LRP4: variants seen among roughly 807,000 people sequenced by gnomAD.
LRP4 encodes the protein low-density lipoprotein receptor-related protein 4.
LRP4 carries 95 observed loss-of-function variants against 220.3 expected under a neutral mutation model. That is an observed-to-expected ratio of 0.43 (90% confidence interval 0.37 to 0.51). LRP4 has a LOEUF of 0.51. Ranked by LOEUF, LRP4 falls within the 20% of genes least tolerant of loss-of-function variation. The pLI, the probability that LRP4 is intolerant of heterozygous loss-of-function variation, is 0.00. For synonymous variants in LRP4, 903 were observed against 954.6 expected (o/e 0.95, Z 1.00); for missense variants, 1,925 against 2,567.0 (o/e 0.75, Z 5.40).
chr11:46,887,472 G>T (rs1941321181), intron 16 of LRP4, among the ~76,000 whole-genome samples: 1 of 150,292 alleles, frequency 6.7e-6, no homozygotes, highest in African/African-American at 2.5e-5. Flanking sequence ...GCTGAGGTGG[G>T]GTCATTGCTT....
At chr11:46,870,986 TAC>T (rs1254930789) in intron 31 of LRP4, among the ~76,000 whole-genome samples, 2 of 152,190 alleles carry the variant, frequency 1.3e-5, no homozygotes, top group Admixed American at 6.5e-5. Context: ...AGTTCAAAGT[TAC>T]ACAGTTATTT....
intron 20 of LRP4, 118 bp from the exon 21 acceptor site, chr11:46,879,433 C>A: frequency 1.1e-6 from 1 of 917,756 alleles, no homozygotes; most frequent in Non-Finnish European, 1.7e-6. Flanking sequence ...TGGGTGACCT[C>A]CAGTAAGAGC....
intron 1 of LRP4, among the ~76,000 whole-genome samples, chr11:46,905,277 C>T (rs75993761): frequency 6.6e-6 from 1 of 152,204 alleles, no homozygotes; most frequent in African/African-American, 2.4e-5. Context: ...AGTAGTATGA[C>T]AGGCTCAGCA....
At chr11:46,866,432 C>A (rs922363920) in intron 34 of LRP4, among the ~76,000 whole-genome samples, 1 of 150,996 alleles carries the variant, frequency 6.6e-6, no homozygotes, top group African/African-American at 2.5e-5. Context: ...CAGGCATGGG[C>A]CACCATGCCT....
rs546227914 is a variant in LRP4 at position 46,899,294 on chromosome 11, T to C, written c.547+93A>G. 447 of 1,089,564 alleles carry C rather than the reference T, an allele frequency of 4.1e-4. No individual in the cohort carries two copies. The highest frequency in any genetic ancestry group is 6.0e-4 in the Non-Finnish European group (424 of 706,506). The allele number at this position is 1,089,564 out of a possible 1,614,324, so 67.5% of individuals were successfully genotyped here. The stretch of plus-strand genomic sequence containing the variant: ...GCTGAGGCACCCATGCTCCTTGCCC[T>C]TGGTACATGCACTCCTCAGCCTCGC... On this transcript the variant is annotated intron_variant, in intron 5 of 37. Coordinates refer to ENST00000378623, the MANE Select transcript of LRP4 (RefSeq NM_002334.4). The surrounding 1 kb of genome is among the most constrained non-coding windows in gnomAD (Gnocchi z 5.9).
At chr11:46,885,071 G>A (rs531949501) in intron 18 of LRP4, among the ~76,000 whole-genome samples, 1 of 152,070 alleles carries the variant, frequency 6.6e-6, no homozygotes, top group Admixed American at 6.5e-5. Context: ...CTGCAGCCTT[G>A]AACTCCCGGA....
At position 46,875,718 on chromosome 11, in the gene LRP4, C is replaced by A. The variant is rs1166095580; in HGVS notation, c.3700-37G>T. ...GGAGAGGGTGGGGGGTGGTGATCAG[C>A]AGATTGGGAACTCTCCATGGAGATC... is the stretch of plus-strand genomic sequence containing the variant. On this transcript the variant is annotated intron_variant, in intron 26 of 37. Coordinates refer to ENST00000378623, the MANE Select transcript of LRP4 (RefSeq NM_002334.4). This position sits in a 1 kb window ranked among gnomAD's most constrained non-coding sequence, Gnocchi z 4.5. 2 of 1,612,526 alleles carry A rather than the reference C, an allele frequency of 1.2e-6. No individual in the cohort carries two copies. Among genetic ancestry groups the A allele is most frequent in the Non-Finnish European group, 1.7e-6 (2 of 1,178,670 alleles).
Position 46,868,728 on chromosome 11 carries a change from G to GATGA in LRP4, c.4838-19_4838-16dup, listed in dbSNP as rs1940772895. ...GGCATTGGTCCCTGGAGGCAAAGTA[G>GATGA]ATGAATGTCTTATCTGGGACAGAAT... is the stretch of plus-strand genomic sequence containing the variant. On this transcript the variant is annotated splice_polypyrimidine_tract_variant and intron_variant, in intron 32 of 37. Transcript: ENST00000378623. The GATGA allele has an allele frequency of 6.4e-7, 1 of 1,554,434 alleles. No homozygotes were observed. Among genetic ancestry groups the GATGA allele is most frequent in the Admixed American group, 1.7e-5 (1 of 59,918 alleles).
At chr11:46,874,040 A>G (rs1940942799) in intron 28 of LRP4, 1 of 175,452 alleles carries the variant, frequency 5.7e-6, no homozygotes, top group Admixed American at 5.4e-5. Flanking sequence ...TCCTGGGCTC[A>G]AGCAATCTTC....
intron 37 of LRP4, 96 bp from the exon 38 acceptor site, chr11:46,859,411 G>T: frequency 2.2e-6 from 2 of 903,834 alleles, no homozygotes; most frequent in South Asian, 1.3e-5. Flanking sequence ...GTAAGAGTAG[G>T]AGTGAAGCGC....
intron 23 of LRP4, 66 bp downstream of exon 23, chr11:46,877,133 A>G (rs1282870915): frequency 5.1e-6 from 8 of 1,571,288 alleles, no homozygotes; most frequent in Non-Finnish European, 7.0e-6. Flanking sequence ...GTGGTGGGAG[A>G]GGAAAGACAG....
chr11:46,876,423 G>A, intron 25 of LRP4, 43 bp downstream of exon 25: 2 of 1,611,214 alleles, frequency 1.2e-6, no homozygotes, highest in Non-Finnish European at 1.7e-6. Context: ...CCCCAGCTGA[G>A]CTGGCCCCCC....
chr11:46,874,584 GT>G (rs1376320752), intron 28 of LRP4, among the ~76,000 whole-genome samples: 1 of 152,100 alleles, frequency 6.6e-6, no homozygotes, highest in African/African-American at 2.4e-5. Context: ...TGTTGTTGTT[GT>G]TTGTTTTACA....
chr11:46,875,165 G>A lies in LRP4; in HGVS notation c.3926-62C>T, dbSNP rs570228848. ...GGAACATCATCTGAATCTTACAAAG[G>A]TCCCAGTTGTTTGTGGCTGGCTCTT... On this transcript the variant is annotated intron_variant, in intron 27 of 37. Coordinates refer to ENST00000378623, the MANE Select transcript of LRP4 (RefSeq NM_002334.4). The surrounding 1 kb of genome is among the most constrained non-coding windows in gnomAD (Gnocchi z 4.5). 2.6e-6 allele frequency: 4 copies of A among 1,539,828 alleles called. No individual in the cohort carries two copies. The Admixed American group carries it at 7.0e-5, about 27-fold the overall frequency.
In LRP4 at chr11:46,899,026, G is replaced by A. The variant is rs764463798; in HGVS notation, c.554C>T (p.Ala185Val). The change falls in exon 6 of 38, where the codon GCA (alanine) becomes GTA (valine). Residue 185 changes from alanine (A) to valine (V), a missense_variant. By Grantham distance (64) the Ala-to-Val change is moderately conservative. Around this residue, in one of 3 missense-constraint regions of LRP4, gnomAD observed 412 missense variants for 505.4 expected, o/e 0.82. Coordinates refer to ENST00000378623, the MANE Select transcript of LRP4 (RefSeq NM_002334.4). This position sits in a 1 kb window ranked among gnomAD's most constrained non-coding sequence, Gnocchi z 5.9. ...CAGGTTGCAGGGGGGCGCTGGCACT[G>A]CTGAGGCTGGAGGGAAGGCAGGGGT... ...DGSDEENCPS[A>V]VPAPPCNLEE... The A allele has an allele frequency of 9.9e-6, 16 of 1,612,242 alleles. No homozygotes were observed. In the East Asian group the frequency reaches 3.1e-4, roughly 31 times the overall value.
Position 46,918,126 on chromosome 11 carries a change from G to A in LRP4, c.52+202C>T, listed in dbSNP as rs576320524. Among the ~76,000 whole-genome samples the A allele has an allele frequency of 3.3e-4, 50 of 151,682 alleles. No homozygotes were observed. Among genetic ancestry groups the A allele is most frequent in the South Asian group, 1.9e-3 (9 of 4,798 alleles). On this transcript the variant is annotated intron_variant, in intron 1 of 37. Coordinates refer to ENST00000378623, the MANE Select transcript of LRP4 (RefSeq NM_002334.4). This position sits in a 1 kb window ranked among gnomAD's most constrained non-coding sequence, Gnocchi z 6.0. The stretch of plus-strand genomic sequence containing the variant: ...CGCCCCGGCCCAGACCCGAACCCGC[G>A]GAAGCGCCTCCGCTGATGCCCCCGC...
chr11:46,912,870 G>A (rs1441179762), intron 1 of LRP4, among the ~76,000 whole-genome samples: 1 of 152,342 alleles, frequency 6.6e-6, no homozygotes, highest in African/African-American at 2.4e-5. Flanking sequence ...GAAAACCTCC[G>A]GTGATAAATT....
chr11:46,888,204 C>T (rs1421425498), intron 16 of LRP4, among the ~76,000 whole-genome samples: 2 of 149,934 alleles, frequency 1.3e-5, no homozygotes, highest in African/African-American at 2.5e-5. Flanking sequence ...CACTTATAAT[C>T]CCCGCTACTC....
Position 46,869,007 on chromosome 11 carries a change from A to G in LRP4, c.4818T>C (p.Val1606=). ...NVEGLMDIIV[V]SPQRQTGTNA... Reference sequence around the variant, plus strand: ...GCCCACCTGTCTGCCGCTGAGGGGAAACCACGATGATATCCATGAGTCCTT... The same window carrying G: ...GCCCACCTGTCTGCCGCTGAGGGGAGACCACGATGATATCCATGAGTCCTT... Residue 1606 remains valine, a synonymous_variant, in exon 32 of 38, where the codon GTT becomes GTC. Transcript: ENST00000378623. 6.2e-7 allele frequency: 1 copy of G among 1,614,160 alleles called. No individual in the cohort carries two copies. The highest frequency in any genetic ancestry group is 8.5e-7 in the Non-Finnish European group (1 of 1,180,020).
Sources: gnomAD v4.1 joint callset for allele counts (sites outside exome capture counted in the v4.1 genomes callset) on GRCh38, gnomAD v4.1.1 for gene constraint, gnomAD v4.1.1 regional missense constraint, Gnocchi (gnomAD v3.1) non-coding constraint, MANE v1.5 for transcripts, NCBI Gene and HGNC (gene_info 2026-07-23, HGNC 2026-07-21) for gene names.